Variants in TOX observed in about 807,000 individuals in gnomAD.
TOX encodes the protein thymocyte selection associated high mobility group box.
A neutral mutation model predicts 53.7 loss-of-function variants in TOX; 11 were observed. The ratio of observed to expected loss-of-function variants is 0.20; its 90% CI spans 0.13 to 0.34. The LOEUF (loss-of-function observed/expected upper bound fraction) is 0.34. Among genes scored for constraint, TOX ranks in the 10% least tolerant of loss-of-function variants. The pLI is 1.00. For synonymous variants in TOX, 225 were observed against 245.3 expected (o/e 0.92, Z 0.77); for missense variants, 570 against 664.6 (o/e 0.86, Z 1.56).
Position 58,874,986 on chromosome 8 carries a change from G to C in TOX, c.412-23181C>G, listed in dbSNP as rs545024636. Among the ~76,000 whole-genome samples, 17 of 152,350 alleles carry C rather than the reference G, an allele frequency of 1.1e-4. No homozygotes were observed. The South Asian group carries it at 2.1e-3, about 19-fold the overall frequency. ...TCAAAGCTGTCCTGGGCCACATGTGGCCTGTGGGCCATGGATTGGACAAGC... is the reference window on the plus strand; with the variant it reads ...TCAAAGCTGTCCTGGGCCACATGTGCCCTGTGGGCCATGGATTGGACAAGC... On this transcript the variant is annotated intron_variant, in intron 3 of 8. Coordinates refer to ENST00000361421, the MANE Select transcript of TOX (RefSeq NM_014729.3).
chr8:59,019,856 T>G (rs1814089286), intron 1 of TOX, among the ~76,000 whole-genome samples: 1 of 152,224 alleles, frequency 6.6e-6, no homozygotes, highest in Non-Finnish European at 1.5e-5. Context: ...AATTCGGCCA[T>G]GTAACACTTA....
intron 3 of TOX, among the ~76,000 whole-genome samples, chr8:58,903,539 T>C (rs1811763952): frequency 1.3e-5 from 2 of 152,214 alleles, no homozygotes; most frequent in Admixed American, 6.5e-5. Flanking sequence ...TTGCCCCCAA[T>C]GGTATTTAGA....
At chr8:58,953,973 TAGAG>T (rs1470190614) in intron 2 of TOX, among the ~76,000 whole-genome samples, 2 of 152,126 alleles carry the variant, frequency 1.3e-5, no homozygotes, top group Non-Finnish European at 2.9e-5. Context: ...ATTAAACAAA[TAGAG>T]AGTCATTAAT....
chr8:58,867,369 G>T (rs535377889), intron 3 of TOX, among the ~76,000 whole-genome samples: 52 of 152,322 alleles, frequency 3.4e-4, no homozygotes, highest in Non-Finnish European at 6.3e-4. Context: ...CTGCTCACAA[G>T]GTATAGCACA....
At position 59,037,946 on chromosome 8, in the gene TOX, T is replaced by G. The variant is rs537357559; in HGVS notation, c.103-77938A>C. 2.6e-5 allele frequency among the ~76,000 whole-genome samples: 4 copies of G among 152,152 alleles called. No homozygotes were observed. In the South Asian group the frequency reaches 8.3e-4, roughly 32 times the overall value. ...TTAATGTTGAAAAAGTATCATGAAA[T>G]AGTAACATTACACAGGACAATAATA... On this transcript the variant is annotated intron_variant, in intron 1 of 8. Transcript: ENST00000361421.
intron 1 of TOX, among the ~76,000 whole-genome samples, chr8:58,965,598 A>G (rs2129179054): frequency 6.6e-6 from 1 of 152,308 alleles, no homozygotes; most frequent in South Asian, 2.1e-4. Context: ...CCATTAAAAG[A>G]AAATCAGAAA....
At chr8:58,817,253 T>C (rs1810196569) in intron 6 of TOX, among the ~76,000 whole-genome samples, 1 of 152,122 alleles carries the variant, frequency 6.6e-6, no homozygotes, top group Admixed American at 6.5e-5. Flanking sequence ...CTTTCTGAAA[T>C]AGGAACAAAC....
At chr8:58,994,597 T>C (rs1813525000) in intron 1 of TOX, among the ~76,000 whole-genome samples, 3 of 152,156 alleles carry the variant, frequency 2.0e-5, no homozygotes, top group East Asian at 1.9e-4. Flanking sequence ...TATGACAGAA[T>C]TGTGTTATAA....
intron 3 of TOX, among the ~76,000 whole-genome samples, chr8:58,921,993 G>C (rs1233403321): frequency 1.3e-5 from 2 of 152,178 alleles, no homozygotes; most frequent in Non-Finnish European, 2.9e-5. Flanking sequence ...GGGAAGAATT[G>C]TGTATTACTA....
At chr8:59,111,879 T>C (rs575940652) in intron 1 of TOX, among the ~76,000 whole-genome samples, 1 of 152,108 alleles carries the variant, frequency 6.6e-6, no homozygotes, top group East Asian at 1.9e-4. Flanking sequence ...GATAAATACT[T>C]GGCTAAAGCA....
chr8:58,919,044 G>T (rs889368433), intron 3 of TOX, among the ~76,000 whole-genome samples: 1 of 143,522 alleles, frequency 7.0e-6, no homozygotes, highest in Non-Finnish European at 1.5e-5. Flanking sequence ...CACTGCTCAA[G>T]GAAATAAAAG....
intron 4 of TOX, among the ~76,000 whole-genome samples, chr8:58,846,124 T>G (rs1308014619): frequency 6.6e-6 from 1 of 152,116 alleles, no homozygotes; most frequent in Non-Finnish European, 1.5e-5. Flanking sequence ...TTGAATAAAT[T>G]TTAGGAAAGA....
At chr8:58,943,740 G>T (rs996975626) in intron 2 of TOX, among the ~76,000 whole-genome samples, 3 of 151,804 alleles carry the variant, frequency 2.0e-5, no homozygotes, top group Admixed American at 2.0e-4. Context: ...TTTCAAAGGT[G>T]GTATCATCTT....
chr8:59,067,015 G>A (rs1804104821), intron 1 of TOX, among the ~76,000 whole-genome samples: 1 of 152,216 alleles, frequency 6.6e-6, no homozygotes, highest in African/African-American at 2.4e-5. Flanking sequence ...ACATTGGGGT[G>A]GAGGAGGGGA....
intron 6 of TOX, among the ~76,000 whole-genome samples, chr8:58,822,021 ATG>A (rs1810289863): frequency 6.6e-6 from 1 of 152,178 alleles, no homozygotes; most frequent in Non-Finnish European, 1.5e-5. Context: ...GTGATTCCAT[ATG>A]AAAGTGCAGA....
intron 2 of TOX, among the ~76,000 whole-genome samples, chr8:58,959,518 C>A (rs572085424): frequency 6.6e-6 from 1 of 152,200 alleles, no homozygotes; most frequent in African/African-American, 2.4e-5. Flanking sequence ...CCCCACCGGC[C>A]ATGGGATTTG....
intron 3 of TOX, among the ~76,000 whole-genome samples, chr8:58,899,400 T>G (rs1811698604): frequency 6.6e-6 from 1 of 152,218 alleles, no homozygotes; most frequent in South Asian, 2.1e-4. Context: ...TTCTCTCTCT[T>G]TTGATAAGTG....
At chr8:59,041,143 G>A (rs114062989) in intron 1 of TOX, among the ~76,000 whole-genome samples, 159 of 151,614 alleles carry the variant, frequency 1.0e-3, no homozygotes, top group African/African-American at 3.6e-3. Context: ...AGCTGGCATC[G>A]GGTGCTTTAT....
rs117682984 is a variant in TOX at position 58,929,938 on chromosome 8, G to A, written c.411+9364C>T. Among the ~76,000 whole-genome samples, 147 of 152,130 alleles carry A rather than the reference G, an allele frequency of 9.7e-4. 4 individuals carry two copies. In the East Asian group the frequency reaches 0.026, roughly 27 times the overall value. ...AATAGCCATACTCAGAAAATAAATG[G>A]ATTTATCTAAAAAGGAGGATCAACT... On this transcript the variant is annotated intron_variant, in intron 3 of 8. Coordinates refer to ENST00000361421, the MANE Select transcript of TOX (RefSeq NM_014729.3).
Sources: allele counts gnomAD v4.1 joint callset (sites outside exome capture counted in the v4.1 genomes callset), GRCh38; gene constraint gnomAD v4.1.1; transcripts MANE v1.5; gene names NCBI Gene and HGNC (gene_info 2026-07-23, HGNC 2026-07-21).